Variants in ADAM20 observed in about 807,000 individuals in gnomAD.
The protein encoded by ADAM20 is disintegrin and metalloproteinase domain-containing protein 20.
For synonymous variants in ADAM20, 305 were observed against 310.2 expected, an observed-to-expected ratio of 0.98 and a Z score of 0.18; for missense variants, 871 against 883.2, an observed-to-expected ratio of 0.99 and a Z score of 0.18.
upstream of ADAM20, among the ~76,000 whole-genome samples, chr14:70,539,105 C>T (rs904803724): frequency 6.6e-6 from 1 of 151,704 alleles, no homozygotes; most frequent in Non-Finnish European, 1.5e-5. Flanking sequence ...TGTGCTTCCC[C>T]CCACAGAGAG....
the ADAM20 span, among the ~76,000 whole-genome samples, chr14:70,559,950 CTT>C: frequency 2.0e-5 from 3 of 152,106 alleles, no homozygotes; most frequent in Non-Finnish European, 2.9e-5. Flanking sequence ...TTTTATTGCT[CTT>C]GTGTTAATAA....
At chr14:70,538,226 T>G (rs538131403), upstream of ADAM20, among the ~76,000 whole-genome samples, 4 of 152,288 alleles carry the variant, frequency 2.6e-5, no homozygotes, top group Admixed American at 6.5e-5. Flanking sequence ...ATCTCTGCTA[T>G]TCTCTGTTTC....
chr14:70,553,842 A>G, the ADAM20 span, among the ~76,000 whole-genome samples: 1 of 152,160 alleles, frequency 6.6e-6, no homozygotes, highest in Admixed American at 6.5e-5. Context: ...ATGAATGGGG[A>G]AAAACTGAAA....
intron 1 of ADAM20, among the ~76,000 whole-genome samples, chr14:70,532,729 T>C (rs937758292): frequency 6.6e-6 from 1 of 152,180 alleles, no homozygotes; most frequent in Non-Finnish European, 1.5e-5. Flanking sequence ...CACAGTGGCC[T>C]ACATGACAGG....
chr14:70,579,036 T>C, the ADAM20 span, among the ~76,000 whole-genome samples: 3 of 152,214 alleles, frequency 2.0e-5, no homozygotes, highest in East Asian at 3.8e-4. Flanking sequence ...CTTTTATGGC[T>C]GCATAGTATT....
the ADAM20 span, among the ~76,000 whole-genome samples, chr14:70,553,465 C>T: frequency 7.4e-6 from 1 of 134,584 alleles, no homozygotes; most frequent in Non-Finnish European, 1.6e-5. Flanking sequence ...AAACCAAAGA[C>T]ACATCAAGAA....
chr14:70,556,481 A>T, the ADAM20 span: 1 of 152,348 alleles, frequency 6.6e-6, no homozygotes, highest in Non-Finnish European at 1.5e-5. Flanking sequence ...TTGGAAAACT[A>T]TGGAGGGATG....
At chr14:70,569,379 C>A in the ADAM20 span, among the ~76,000 whole-genome samples, 1 of 152,090 alleles carries the variant, frequency 6.6e-6, no homozygotes, top group African/African-American at 2.4e-5. Flanking sequence ...GACTACAAAA[C>A]AACTAGCTAA....
At chr14:70,539,275 C>T (rs1343664271), upstream of ADAM20, among the ~76,000 whole-genome samples, 2 of 152,128 alleles carry the variant, frequency 1.3e-5, no homozygotes, top group Admixed American at 6.5e-5. Flanking sequence ...GGTTGGTCTG[C>T]CAGACGAGCC....
the ADAM20 span, among the ~76,000 whole-genome samples, chr14:70,555,138 G>A: frequency 6.6e-6 from 1 of 152,120 alleles, no homozygotes; most frequent in Non-Finnish European, 1.5e-5. Context: ...CTATTTACCT[G>A]CCTCAGTTTC....
At chr14:70,573,693 G>C in the ADAM20 span, among the ~76,000 whole-genome samples, 1 of 152,118 alleles carries the variant, frequency 6.6e-6, no homozygotes, top group African/African-American at 2.4e-5. Context: ...GGATAGAAAA[G>C]ATATTTCATG....
intron 1 of ADAM20, among the ~76,000 whole-genome samples, chr14:70,530,962 G>A (rs1051736014): frequency 2.6e-4 from 39 of 150,264 alleles, no homozygotes; most frequent in African/African-American, 8.3e-4. Context: ...AAAAAACTAC[G>A]CTGAAAGTCA....
At chr14:70,525,112 C>T (rs927431608) in intron 1 of ADAM20, among the ~76,000 whole-genome samples, 179 bp from the exon 2 acceptor site, 6 of 152,048 alleles carry the variant, frequency 3.9e-5, no homozygotes, top group Admixed American at 1.3e-4. Context: ...GAGTTATTAC[C>T]AAATTTTCAT....
In ADAM20 at chr14:70,523,131, G is replaced by A. The variant is rs1883491865; in HGVS notation, c.1627C>T (p.His543Tyr). 2 of 1,613,830 alleles carry A rather than the reference G, an allele frequency of 1.2e-6. No individual in the cohort carries two copies. Among genetic ancestry groups the A allele is most frequent in the Middle Eastern group, 1.6e-4 (1 of 6,080 alleles). Residue 543 changes from histidine (H) to tyrosine (Y), a missense_variant, in exon 2 of 2, where the codon CAC becomes TAC. Physicochemically the swap from His to Tyr is moderately conservative, Grantham distance 83. Transcript: ENST00000256389. ...TATGTTGTGCCTACAATACCACAGT[G>A]ACCGAAACGGTTTCCTTGGGTGTTG... ...EINTQGNRFG[H>Y]CGIVGTTYVK...
At chr14:70,577,920 A>G in the ADAM20 span, among the ~76,000 whole-genome samples, 1 of 152,192 alleles carries the variant, frequency 6.6e-6, no homozygotes, top group African/African-American at 2.4e-5. Flanking sequence ...CTTAAACTGG[A>G]AAACACTTAG....
intron 1 of ADAM20, among the ~76,000 whole-genome samples, chr14:70,533,673 T>C (rs1385956311): frequency 6.6e-6 from 1 of 151,798 alleles, no homozygotes; most frequent in African/African-American, 2.4e-5. Context: ...ACCTAGATGA[T>C]GGGTTGATGG....
chr14:70,532,827 ATTAAG>A (rs1313410384), intron 1 of ADAM20, among the ~76,000 whole-genome samples: 1 of 152,196 alleles, frequency 6.6e-6, no homozygotes, highest in Non-Finnish European at 1.5e-5. Context: ...AAAGCAATAA[ATTAAG>A]TTTTTTCAAA....
the ADAM20 span, among the ~76,000 whole-genome samples, chr14:70,573,487 T>C: frequency 6.6e-6 from 1 of 152,284 alleles, no homozygotes; most frequent in African/African-American, 2.4e-5. Context: ...ACTACGTTTA[T>C]TATTTGGGTG....
chr14:70,537,503 G>A (rs59125209), upstream of ADAM20, among the ~76,000 whole-genome samples: 5,228 of 152,226 alleles, frequency 0.034, 295 homozygotes, highest in African/African-American at 0.12. Context: ...GGGAAAGTGA[G>A]GTCTGCTGTC....
Sources: allele counts gnomAD v4.1 joint callset (sites outside exome capture counted in the v4.1 genomes callset), GRCh38; gene constraint gnomAD v4.1.1; transcripts MANE v1.5; gene names NCBI Gene and HGNC (gene_info 2026-07-23, HGNC 2026-07-21).